Variants in SLC9A9 observed in about 807,000 individuals in gnomAD.
The protein encoded by SLC9A9 is sodium/hydrogen exchanger 9.
SLC9A9 carries 62 observed loss-of-function variants against 77.8 expected under a neutral mutation model. The ratio of observed to expected loss-of-function variants is 0.80; its 90% CI spans 0.65 to 0.98. The LOEUF (loss-of-function observed/expected upper bound fraction) is 0.98. Among genes scored for constraint, SLC9A9 ranks in the 50% least tolerant of loss-of-function variants. The pLI is 0.00. For missense variants in SLC9A9, 775 were observed against 774.9 expected, an observed-to-expected ratio of 1.00 and a Z score of 0.00; for synonymous variants, 320 against 283.5, an observed-to-expected ratio of 1.13 and a Z score of -1.29.
At chr3:143,837,015 A>T (rs2009585129) in intron 1 of SLC9A9, among the ~76,000 whole-genome samples, 1 of 152,214 alleles carries the variant, frequency 6.6e-6, no homozygotes, top group South Asian at 2.1e-4. Flanking sequence ...GTCATTCCAC[A>T]TGAGGCTGAA....
intron 6 of SLC9A9, among the ~76,000 whole-genome samples, chr3:143,639,092 A>ATATGTCTT (rs2038577921): frequency 6.6e-6 from 1 of 152,210 alleles, no homozygotes; most frequent in African/African-American, 2.4e-5. Context: ...TAGAAAGAAA[A>ATATGTCTT]TATGTCTTTG....
chr3:143,508,643 C>T (rs1305310761), intron 9 of SLC9A9, among the ~76,000 whole-genome samples: 1 of 152,194 alleles, frequency 6.6e-6, no homozygotes, highest in Non-Finnish European at 1.5e-5. Flanking sequence ...AATGGTACAA[C>T]AGTAATCAGA....
At chr3:143,733,487 G>A (rs73154704) in intron 4 of SLC9A9, among the ~76,000 whole-genome samples, 1 of 152,156 alleles carries the variant, frequency 6.6e-6, no homozygotes, top group South Asian at 2.1e-4. Flanking sequence ...CAGGACTAAT[G>A]AATTGTTTTC....
intron 6 of SLC9A9, among the ~76,000 whole-genome samples, chr3:143,585,031 C>T (rs986669137): frequency 3.3e-5 from 5 of 152,104 alleles, no homozygotes; most frequent in Non-Finnish European, 7.4e-5. Context: ...TGTAGGGTCC[C>T]GGCCTGGTCT....
At position 143,266,078 on chromosome 3, in the gene SLC9A9, T is replaced by C; in HGVS notation, c.*624A>G. On this transcript the variant is annotated 3_prime_UTR_variant, in exon 16 of 16. Transcript: ENST00000316549. ...AGCCATAGGCAACCCCTTTGAGCGATGGGAGAAGTAGCATAAGAAGGATGC... is the reference window on the plus strand; with the variant it reads ...AGCCATAGGCAACCCCTTTGAGCGACGGGAGAAGTAGCATAAGAAGGATGC... The C allele has an allele frequency of 1.4e-6, 1 of 702,390 alleles. No individual in the cohort carries two copies. Among genetic ancestry groups the C allele is most frequent in the Non-Finnish European group, 2.6e-6 (1 of 384,790 alleles). 43.5% of individuals were successfully genotyped at this position (702,390 alleles called of 1,614,324 possible).
chr3:143,318,297 G>A (rs2031298250), intron 14 of SLC9A9, among the ~76,000 whole-genome samples: 1 of 152,188 alleles, frequency 6.6e-6, no homozygotes, highest in Non-Finnish European at 1.5e-5. Context: ...AACTGAGAAC[G>A]ATATTAGGAA....
chr3:143,721,351 C>A (rs1934493508), intron 4 of SLC9A9, among the ~76,000 whole-genome samples: 1 of 152,080 alleles, frequency 6.6e-6, no homozygotes, highest in Non-Finnish European at 1.5e-5. Flanking sequence ...TGAACCAAGC[C>A]AGAAACCCCT....
intron 6 of SLC9A9, among the ~76,000 whole-genome samples, chr3:143,621,260 G>A (rs922401355): frequency 1.1e-4 from 16 of 152,248 alleles, no homozygotes; most frequent in Non-Finnish European, 1.9e-4. Context: ...CAGCTTTGAA[G>A]AGAGTAGTGG....
chr3:143,547,831 T>C (rs1330405937), intron 9 of SLC9A9, among the ~76,000 whole-genome samples: 1 of 152,246 alleles, frequency 6.6e-6, no homozygotes, highest in Non-Finnish European at 1.5e-5. Flanking sequence ...TTATTGGCCT[T>C]ATGTCTTACC....
At chr3:143,621,490 T>C (rs1286830996) in intron 6 of SLC9A9, among the ~76,000 whole-genome samples, 1 of 152,216 alleles carries the variant, frequency 6.6e-6, no homozygotes, top group East Asian at 1.9e-4. Context: ...CCGCTGCTGA[T>C]ACCCAGGCAA....
intron 12 of SLC9A9, among the ~76,000 whole-genome samples, chr3:143,393,636 C>A (rs1479964008): frequency 2.0e-5 from 3 of 151,978 alleles, no homozygotes; most frequent in Non-Finnish European, 4.4e-5. Flanking sequence ...CATAAAAAAC[C>A]CTTCAAAAAA....
chr3:143,431,374 C>T (rs940604289), intron 12 of SLC9A9, among the ~76,000 whole-genome samples: 8 of 152,162 alleles, frequency 5.3e-5, no homozygotes, highest in Admixed American at 3.9e-4. Context: ...TCAGCCCCTA[C>T]CTTTGCCTCC....
intron 7 of SLC9A9, among the ~76,000 whole-genome samples, chr3:143,575,417 T>G (rs1345309388): frequency 6.6e-6 from 1 of 152,226 alleles, no homozygotes; most frequent in Admixed American, 6.5e-5. Context: ...CTCAGAGGTC[T>G]GTAAACTAGT....
chr3:143,802,788 G>A (rs4589932), intron 2 of SLC9A9, among the ~76,000 whole-genome samples: 21,868 of 152,108 alleles, frequency 0.14, 1,915 homozygotes, highest in South Asian at 0.28. Context: ...ATTTAAAAAG[G>A]ACTGGACAGT....
intron 4 of SLC9A9, among the ~76,000 whole-genome samples, chr3:143,780,646 G>A (rs2007842755): frequency 6.6e-6 from 1 of 152,192 alleles, no homozygotes; most frequent in African/African-American, 2.4e-5. Context: ...ATTGGAAAGG[G>A]AGCCACCATA....
At chr3:143,421,695 T>A (rs750770190) in intron 12 of SLC9A9, among the ~76,000 whole-genome samples, 2 of 152,188 alleles carry the variant, frequency 1.3e-5, no homozygotes, top group Admixed American at 6.5e-5. Flanking sequence ...AAAGAATTTA[T>A]GACTAAGCCC....
At chr3:143,534,025 A>C (rs1452767957) in intron 9 of SLC9A9, among the ~76,000 whole-genome samples, 1 of 152,238 alleles carries the variant, frequency 6.6e-6, no homozygotes, top group Non-Finnish European at 1.5e-5. Flanking sequence ...AGTGGGTATA[A>C]TAATCACCTT....
At chr3:143,828,951 C>T (rs1559817629) in intron 2 of SLC9A9, among the ~76,000 whole-genome samples, 1 of 152,170 alleles carries the variant, frequency 6.6e-6, no homozygotes, top group East Asian at 1.9e-4. Context: ...ATTCCAAAAC[C>T]CTTGATACTC....
chr3:143,670,572 G>T (rs1274181769), intron 5 of SLC9A9, among the ~76,000 whole-genome samples: 1 of 152,198 alleles, frequency 6.6e-6, no homozygotes, highest in Non-Finnish European at 1.5e-5. Context: ...TGGCCCTGGA[G>T]AGAAACATGG....
Sources: gnomAD v4.1 joint callset for allele counts (sites outside exome capture counted in the v4.1 genomes callset) on GRCh38, gnomAD v4.1.1 for gene constraint, MANE v1.5 for transcripts, NCBI Gene and HGNC (gene_info 2026-07-23, HGNC 2026-07-21) for gene names.